The following ST8SIA1 variants were observed in gnomAD, a reference collection of about 807,000 sequenced individuals.
ST8SIA1 encodes alpha-N-acetylneuraminide alpha-2,8-sialyltransferase.
A neutral mutation model predicts 35.9 loss-of-function variants in ST8SIA1; 16 were observed. The observed-to-expected ratio is 0.45, with a 90% confidence interval of 0.30 to 0.68. The LOEUF (loss-of-function observed/expected upper bound fraction) is 0.68. Among genes scored for constraint, ST8SIA1 ranks in the 30% least tolerant of loss-of-function variants. The probability of loss-of-function intolerance (pLI) is 0.09; values close to 1 mark genes in which losing one functional copy is unlikely to be tolerated. For missense variants in ST8SIA1, 383 were observed against 453.6 expected (o/e 0.84, Z 1.41); for synonymous variants, 170 against 169.6 (o/e 1.00, Z -0.02).
intron 1 of ST8SIA1, chr12:22,325,555 T>C (rs1297191520): frequency 4.3e-6 from 3 of 693,590 alleles, no homozygotes; most frequent in South Asian, 1.5e-5. Context: ...TGGAACCCCA[T>C]GTTACTTGGT....
rs1219909963 is a variant in ST8SIA1, at chr12:22,199,454, C to G, written c.*2098G>C. 3 of 152,066 alleles carry G rather than the reference C, an allele frequency of 2.0e-5. No individual in the cohort carries two copies. Among genetic ancestry groups the G allele is most frequent in the Non-Finnish European group, 4.4e-5 (3 of 67,988 alleles). 9.4% of individuals were successfully genotyped at this position (152,066 alleles called of 1,614,324 possible). A position where few individuals can be genotyped will look rare whatever the true frequency, so the allele number is the denominator to read the frequency against. On this transcript the variant is annotated 3_prime_UTR_variant, in exon 5 of 5. Coordinates refer to ENST00000396037, the MANE Select transcript of ST8SIA1 (RefSeq NM_003034.4). ...TCTTTTTTAGGTAACTGCTAAATAA[C>G]AGTAGCTCAAAAGAGGAAACATATT...
At chr12:22,327,204 A>G (rs1866692802) in intron 1 of ST8SIA1, among the ~76,000 whole-genome samples, 2 of 152,222 alleles carry the variant, frequency 1.3e-5, no homozygotes, top group South Asian at 2.1e-4. Flanking sequence ...AACATGTTCT[A>G]TTCTCCTCCC....
intron 2 of ST8SIA1, among the ~76,000 whole-genome samples, chr12:22,266,848 T>TATATATACAC (rs1555158440): frequency 6.9e-6 from 1 of 144,946 alleles, no homozygotes; most frequent in African/African-American, 2.6e-5. Context: ...CACAAAAGTA[T>TATATATACAC]ACACACACAC....
chr12:22,233,028 A>C (rs1479571555), intron 4 of ST8SIA1, among the ~76,000 whole-genome samples: 1 of 152,186 alleles, frequency 6.6e-6, no homozygotes, highest in Non-Finnish European at 1.5e-5. Context: ...TAACTCAAGA[A>C]AAATATCCAA....
At chr12:22,304,641 A>T (rs1283957285) in intron 1 of ST8SIA1, among the ~76,000 whole-genome samples, 1 of 152,004 alleles carries the variant, frequency 6.6e-6, no homozygotes, top group Non-Finnish European at 1.5e-5. Context: ...AACAGAGGCT[A>T]CTCTCAGGTT....
At chr12:22,263,805 A>C (rs1208795741) in intron 2 of ST8SIA1, among the ~76,000 whole-genome samples, 1 of 152,218 alleles carries the variant, frequency 6.6e-6, no homozygotes. Flanking sequence ...CAAGTGCCAC[A>C]ATCAAGAAGA....
intron 1 of ST8SIA1, among the ~76,000 whole-genome samples, chr12:22,330,947 A>C (rs796983840): frequency 3.3e-5 from 5 of 152,316 alleles, no homozygotes; most frequent in African/African-American, 1.2e-4. Context: ...AGTTTCTATA[A>C]TAGGATCTAT....
chr12:22,222,857 A>G (rs1162762379), intron 4 of ST8SIA1, among the ~76,000 whole-genome samples: 1 of 152,018 alleles, frequency 6.6e-6, no homozygotes. Flanking sequence ...ATACACAAAT[A>G]CCCCTAAATT....
intron 2 of ST8SIA1, among the ~76,000 whole-genome samples, chr12:22,265,406 C>G (rs1242803957): frequency 6.6e-6 from 1 of 152,186 alleles, no homozygotes; most frequent in Non-Finnish European, 1.5e-5. Flanking sequence ...TCATTTTCTC[C>G]AAATACAGAA....
At chr12:22,306,419 G>T (rs970533405) in intron 1 of ST8SIA1, among the ~76,000 whole-genome samples, 1 of 152,002 alleles carries the variant, frequency 6.6e-6, no homozygotes, top group Non-Finnish European at 1.5e-5. Flanking sequence ...TCTTGAGAAA[G>T]GGTACAAGCA....
intron 4 of ST8SIA1, among the ~76,000 whole-genome samples, chr12:22,206,085 G>T (rs1394576900): frequency 6.6e-6 from 1 of 151,954 alleles, no homozygotes; most frequent in East Asian, 1.9e-4. Context: ...AATACAAAAA[G>T]GAATATTAAT....
At chr12:22,241,412 T>A (rs1462562154) in intron 4 of ST8SIA1, among the ~76,000 whole-genome samples, 1 of 152,046 alleles carries the variant, frequency 6.6e-6, no homozygotes, top group Non-Finnish European at 1.5e-5. Flanking sequence ...TCACTCGCTG[T>A]CTCTTGCTCC....
At chr12:22,210,532 T>C (rs1865165795) in intron 4 of ST8SIA1, among the ~76,000 whole-genome samples, 1 of 152,088 alleles carries the variant, frequency 6.6e-6, no homozygotes, top group African/African-American at 2.4e-5. Context: ...ATTCCAACAC[T>C]ATCTACCTAG....
Position 22,257,608 on chromosome 12 carries a change from A to G in ST8SIA1, c.382-2219T>C, listed in dbSNP as rs141650319. Among the ~76,000 whole-genome samples the G allele has an allele frequency of 4.3e-3, 651 of 151,976 alleles. 2 individuals carry two copies. Among genetic ancestry groups the G allele is most frequent in the African/African-American group, 0.015 (614 of 41,434 alleles). On this transcript the variant is annotated intron_variant, in intron 2 of 4. Coordinates refer to ENST00000396037, the MANE Select transcript of ST8SIA1 (RefSeq NM_003034.4). ...TGCAGGAGATGAGGTAGTGAGCCTC[A>G]CAGATCTCTGCGGGAACCCCTGGTG...
intron 4 of ST8SIA1, among the ~76,000 whole-genome samples, chr12:22,207,381 A>G (rs979311490): frequency 6.6e-6 from 1 of 152,264 alleles, no homozygotes; most frequent in Non-Finnish European, 1.5e-5. Context: ...TGAGGAGCAC[A>G]TGAAGAGAAC....
intron 4 of ST8SIA1, among the ~76,000 whole-genome samples, chr12:22,221,461 A>G (rs1454268627): frequency 6.6e-6 from 1 of 152,206 alleles, no homozygotes; most frequent in African/African-American, 2.4e-5. Flanking sequence ...ATCTGCCACA[A>G]TGAATAAAGA....
Position 22,334,547 on chromosome 12 carries a change from T to C in ST8SIA1, c.-315A>G, listed in dbSNP as rs1591862654. The C allele has an allele frequency of 2.4e-6, 1 of 410,874 alleles. No homozygotes were observed. The highest frequency in any genetic ancestry group is 4.4e-6 in the Non-Finnish European group (1 of 225,478). 25.5% of individuals were successfully genotyped at this position (410,874 alleles called of 1,614,324 possible). A position where few individuals can be genotyped will look rare whatever the true frequency, so the allele number is the denominator to read the frequency against. On this transcript the variant is annotated 5_prime_UTR_variant, in exon 1 of 5. Transcript: ENST00000396037. ...GTGCGCAGAGAGCGGCGGCGGCGAGTCGCTCCCGCCGGTTCTGCAGCATCA... is the reference window on the plus strand; with the variant it reads ...GTGCGCAGAGAGCGGCGGCGGCGAGCCGCTCCCGCCGGTTCTGCAGCATCA...
At chr12:22,325,264 C>T in intron 1 of ST8SIA1, 1 of 550,212 alleles carries the variant, frequency 1.8e-6, no homozygotes. Context: ...TTTTGCATCC[C>T]AGGCAAGATG....
At chr12:22,287,081 A>T in intron 2 of ST8SIA1, 68 bp downstream of exon 2, 1 of 1,472,510 alleles carries the variant, frequency 6.8e-7, no homozygotes, top group Non-Finnish European at 9.2e-7. Flanking sequence ...GGCAAACTCA[A>T]TTATCCCTTT....
Sources: allele counts gnomAD v4.1 joint callset (sites outside exome capture counted in the v4.1 genomes callset), GRCh38; gene constraint gnomAD v4.1.1; transcripts MANE v1.5; gene names NCBI Gene and HGNC (gene_info 2026-07-23, HGNC 2026-07-21).